The following COL17A1 variants were observed in gnomAD, a reference collection of about 807,000 sequenced individuals.
COL17A1 encodes collagen alpha-1(XVII) chain.
In COL17A1, 181 loss-of-function variants were observed where a neutral mutation model predicts 218.4. That is an observed-to-expected ratio of 0.83 (90% confidence interval 0.73 to 0.94). COL17A1 has a LOEUF of 0.94. Among genes scored for constraint, COL17A1 ranks in the 40% least tolerant of loss-of-function variants. COL17A1 has a pLI of 0.00. For missense variants in COL17A1, 1,924 were observed against 1,945.9 expected (o/e 0.99, Z 0.21); for synonymous variants, 721 against 731.0 (o/e 0.99, Z 0.22).
At chr10:104,052,321 G>T in intron 23 of COL17A1, 104 bp from the exon 24 acceptor site, 2 of 1,483,384 alleles carry the variant, frequency 1.3e-6, no homozygotes, top group Non-Finnish European at 1.9e-6. Context: ...CCTGCTAGTG[G>T]TCTTGGATCC....
chr10:104,074,270 T>C, intron 5 of COL17A1, 39 bp from the exon 6 acceptor site: 1 of 1,614,002 alleles, frequency 6.2e-7, no homozygotes, highest in Non-Finnish European at 8.5e-7. Flanking sequence ...AATGGCCTCT[T>C]AGGCCCATAA....
chr10:104,066,025 A>G (rs541433914), intron 9 of COL17A1, among the ~76,000 whole-genome samples: 125 of 152,274 alleles, frequency 8.2e-4, no homozygotes, highest in Admixed American at 2.0e-3. Flanking sequence ...CTTCCCCACC[A>G]GGTCCCCCCA....
chr10:104,040,128 C>T, intron 40 of COL17A1, 129 bp from the exon 41 acceptor site: 2 of 1,122,986 alleles, frequency 1.8e-6, no homozygotes, highest in South Asian at 2.5e-5. Flanking sequence ...CCTTGTGCCT[C>T]TCCTCTCACT....
At position 104,041,497 on chromosome 10, in the gene COL17A1, G is replaced by A. The variant is rs375349330; in HGVS notation, c.2593C>T (p.Arg865Cys). 6.8e-6 allele frequency: 11 copies of A among 1,612,900 alleles called. No homozygotes were observed. The highest frequency in any genetic ancestry group is 8.5e-6 in the Non-Finnish European group (10 of 1,179,162). The change falls in exon 37 of 56, where the codon CGC (arginine) becomes TGC (cysteine). Residue 865 changes from arginine (R) to cysteine (C), a missense_variant. Coordinates refer to ENST00000648076, the MANE Select transcript of COL17A1 (RefSeq NM_000494.4). ...LQGPPGPPGP[R>C]GPPGPSIPGP... ...CCAAGATACTCACCTGGTGGCCCGC[G>A]TGGGCCGGGTGGGCCTGGGGGACCT...
At chr10:104,059,858 G>T in intron 14 of COL17A1, 140 bp from the exon 15 acceptor site, 2 of 1,049,636 alleles carry the variant, frequency 1.9e-6, no homozygotes, top group Non-Finnish European at 2.9e-6. Flanking sequence ...CTTTCCTGGG[G>T]TTCATCTCCC....
At chr10:104,036,903 A>G (rs1276022344) in intron 47 of COL17A1, 142 bp downstream of exon 47, 1 of 859,104 alleles carries the variant, frequency 1.2e-6, no homozygotes, top group Non-Finnish European at 1.9e-6. Context: ...AGATCAGAGC[A>G]GTAAGTGGCT....
At chr10:104,046,144 T>C (rs1211023943) in intron 32 of COL17A1, among the ~76,000 whole-genome samples, 1 of 152,320 alleles carries the variant, frequency 6.6e-6, no homozygotes, top group Middle Eastern at 3.4e-3. Flanking sequence ...CTGAGTCCAA[T>C]GCAGCATCAC....
Position 104,032,752 on chromosome 10 carries a change from C to A in COL17A1, c.4360G>T (p.Asp1454Tyr). The A allele has an allele frequency of 6.2e-7, 1 of 1,614,152 alleles. No individual in the cohort carries two copies. Among genetic ancestry groups the A allele is most frequent in the South Asian group, 1.1e-5 (1 of 91,044 alleles). The change falls in exon 55 of 56, where the codon GAC becomes TAC. Residue 1454 changes from aspartate (D) to tyrosine (Y), a missense_variant and splice_region_variant. Transcript: ENST00000648076. Reference sequence around the variant, plus strand: ...CCTGGTGGCCCAGCAGGGCCCCTGTCACCTGGAAGGAAAAATGGGGCGTAA... The same window carrying A: ...CCTGGTGGCCCAGCAGGGCCCCTGTAACCTGGAAGGAAAAATGGGGCGTAA... ...GEMGTPGPKG[D>Y]RGPAGPPGHP...
chr10:104,050,841 A>G lies in COL17A1; in HGVS notation c.2092+7T>C, dbSNP rs1435112904. The G allele has an allele frequency of 6.2e-7, 1 of 1,613,992 alleles. No homozygotes were observed. ...TCACTGTCCCCCCAGGCCTCCCTCC[A>G]GCTTACCTTTGACACCAGGAAGTCC... On this transcript the variant is annotated splice_region_variant and intron_variant, in intron 26 of 55. Transcript: ENST00000648076.
In COL17A1 at chr10:104,034,084, A is replaced by G. The variant is rs769950071; in HGVS notation, c.4017T>C (p.Thr1339=). Residue 1339 remains threonine (T), a synonymous_variant, in exon 52 of 56, where the codon ACT becomes ACC. Coordinates refer to ENST00000648076, the MANE Select transcript of COL17A1 (RefSeq NM_000494.4). ...EAAGDRGPYG[T]DIGPGGGYGA... is the part of the protein sequence containing the mutation. The stretch of plus-strand genomic sequence containing the variant: ...CATAGCCTCCGCCTGGGCCGATGTC[A>G]GTGCCATAGGGACCCCTGTCTCCTG... 6.2e-6 allele frequency: 10 copies of G among 1,613,974 alleles called. No individual in the cohort carries two copies. In the Admixed American group the frequency reaches 1.0e-4, roughly 16 times the overall value.
In COL17A1 at chr10:104,036,599, A is replaced by G. The variant is rs1446993284; in HGVS notation, c.3311T>C (p.Leu1104Ser). The change falls in exon 48 of 56, where the codon TTG (leucine) becomes TCG (serine). Residue 1104 changes from leucine to serine, a missense_variant. Leu to Ser is a moderately radical substitution (Grantham distance 145). Transcript: ENST00000648076. ...DDVRQYLRQY[L>S]MGPRGPPGPP... is the part of the protein sequence containing the mutation. ...CCCTGGCGGACCCCGAGGGCCCATC[A>G]AGTACTGACGTAGGTACTGACGCAC... is the stretch of plus-strand genomic sequence containing the variant. 2 of 1,613,956 alleles carry G rather than the reference A, an allele frequency of 1.2e-6. No individual in the cohort carries two copies. The highest frequency in any genetic ancestry group is 8.5e-7 in the Non-Finnish European group (1 of 1,179,920).
rs1249321047 is a variant in COL17A1, at chr10:104,053,066, G to A, written c.1904C>T (p.Ala635Val). 11 of 1,613,960 alleles carry A rather than the reference G, an allele frequency of 6.8e-6. No individual in the cohort carries two copies. The Middle Eastern group carries it at 4.9e-4, about 72-fold the overall frequency. ...REGPMGPRGE[A>V]GPPGSGEKGE... is the part of the protein sequence containing the mutation. ...TTTCTCTCCAGATCCAGGAGGCCCTGCCTCACCACGAGGTCCCATGGGGCC... is the reference window on the plus strand; with the variant it reads ...TTTCTCTCCAGATCCAGGAGGCCCTACCTCACCACGAGGTCCCATGGGGCC... Residue 635 changes from alanine (A) to valine (V), a missense_variant, in exon 23 of 56, where the codon GCA becomes GTA. Coordinates refer to ENST00000648076, the MANE Select transcript of COL17A1 (RefSeq NM_000494.4).
At chr10:104,061,784 C>A (rs1006990507) in intron 12 of COL17A1, among the ~76,000 whole-genome samples, 4 of 152,008 alleles carry the variant, frequency 2.6e-5, no homozygotes, top group Non-Finnish European at 5.9e-5. Context: ...TCTTATAGAG[C>A]CTCTCGTTGT....
intron 1 of COL17A1, among the ~76,000 whole-genome samples, chr10:104,085,121 A>T (rs767407499): frequency 6.6e-6 from 1 of 152,162 alleles, no homozygotes; most frequent in Non-Finnish European, 1.5e-5. Context: ...TCTAAGTTTG[A>T]TCCTGCAAAA....
At position 104,078,524 on chromosome 10, in the gene COL17A1, A is replaced by T. The variant is rs1463150589; in HGVS notation, c.97+18T>A. ...AATGTGACCTACTGAAAAGAAAGCT[A>T]TTGAGGTAGTTACTTACTTGGTGGT... On this transcript the variant is annotated intron_variant, in intron 3 of 55. Transcript: ENST00000648076. 6.2e-7 allele frequency: 1 copy of T among 1,614,168 alleles called. No homozygotes were observed. The highest frequency in any genetic ancestry group is 1.7e-5 in the Admixed American group (1 of 60,028).
chr10:104,041,514 G>A lies in COL17A1; in HGVS notation c.2576C>T (p.Pro859Leu). The A allele has an allele frequency of 6.2e-7, 1 of 1,613,092 alleles. No individual in the cohort carries two copies. Among genetic ancestry groups the A allele is most frequent in the Non-Finnish European group, 8.5e-7 (1 of 1,179,138 alleles). ...TGGCCCGCGTGGGCCGGGTGGGCCT[G>A]GGGGACCTTGTAAATTAAGAACTTC... ...HQEVLNLQGP[P>L]GPPGPRGPPG... The change falls in exon 37 of 56, where the codon CCA becomes CTA. Residue 859 changes from proline (P) to leucine (L), a missense_variant. Pro to Leu is a moderately conservative substitution (Grantham distance 98). Coordinates refer to ENST00000648076, the MANE Select transcript of COL17A1 (RefSeq NM_000494.4).
intron 11 of COL17A1, among the ~76,000 whole-genome samples, chr10:104,063,164 A>T (rs1348826122): frequency 6.6e-6 from 1 of 152,248 alleles, no homozygotes; most frequent in Non-Finnish European, 1.5e-5. Context: ...ACATTATCAC[A>T]TGGAGAAGGC....
chr10:104,051,358 C>T (rs2086467106), intron 25 of COL17A1, 123 bp downstream of exon 25: 1 of 1,283,274 alleles, frequency 7.8e-7, no homozygotes, highest in African/African-American at 1.5e-5. Context: ...GACTTGAATT[C>T]TATATCTCTA....
At position 104,052,200 on chromosome 10, in the gene COL17A1, C is replaced by G. The variant is rs1477476552; in HGVS notation, c.1957G>C (p.Gly653Arg). ...GGGACACCAGGTGGGCCATGAGGAC[C>G]TGGTTCACCAGCAGCCCCTGAGGAG... ...KGERGAAGEP[G>R]PHGPPGVPGS... The change falls in exon 24 of 56, where the codon GGT (glycine) becomes CGT (arginine). Residue 653 changes from glycine to arginine, a missense_variant. Transcript: ENST00000648076. The G allele has an allele frequency of 6.2e-7, 1 of 1,614,164 alleles. No individual in the cohort carries two copies. The highest frequency in any genetic ancestry group is 1.7e-5 in the Admixed American group (1 of 60,028).
Sources: allele counts gnomAD v4.1 joint callset (sites outside exome capture counted in the v4.1 genomes callset), GRCh38; gene constraint gnomAD v4.1.1; transcripts MANE v1.5; gene names NCBI Gene and HGNC (gene_info 2026-07-23, HGNC 2026-07-21).